The following ZNF266 variants were observed in gnomAD, a reference collection of about 807,000 sequenced individuals.
The protein encoded by ZNF266 is zinc finger protein 1.
In ZNF266, 16 loss-of-function variants were observed where a neutral mutation model predicts 16.4. That is an observed-to-expected ratio of 0.98 (90% confidence interval 0.66 to 1.48). The LOEUF is 1.48. Ranked by LOEUF, ZNF266 falls within the 40% of genes most tolerant of loss-of-function variation. ZNF266 has a pLI of 0.00. For missense variants in ZNF266, 738 were observed against 689.1 expected (o/e 1.07, Z -0.79); for synonymous variants, 262 against 237.9 (o/e 1.10, Z -0.93).
At chr19:9,421,312 T>C (rs962427518) in intron 5 of ZNF266, among the ~76,000 whole-genome samples, 4 of 152,034 alleles carry the variant, frequency 2.6e-5, no homozygotes, top group African/African-American at 7.3e-5. Context: ...CCCACTACCA[T>C]GGGTTTCAAA....
intron 5 of ZNF266, among the ~76,000 whole-genome samples, chr19:9,426,699 T>TA (rs1275980484): frequency 6.6e-5 from 10 of 152,292 alleles, no homozygotes; most frequent in African/African-American, 2.4e-4. Context: ...TAACATTTGG[T>TA]AAAATGTACC....
chr19:9,419,683 T>C (rs113548857), intron 6 of ZNF266: 7,149 of 152,182 alleles, frequency 0.047, 387 homozygotes, highest in African/African-American at 0.13. Context: ...GCAGATCACT[T>C]GAGGTTAGGA....
At chr19:9,426,457 T>TTC in intron 5 of ZNF266, among the ~76,000 whole-genome samples, 1 of 148,036 alleles carries the variant, frequency 6.8e-6, no homozygotes, top group African/African-American at 2.5e-5. Flanking sequence ...GAGACAGAAA[T>TTC]TAAGAACCCT....
chr19:9,415,740 A>G lies in ZNF266; in HGVS notation c.319T>C (p.Ser107Pro). ...RTVQRGDFQA[S>P]EWKVQLKTKE... ...GTTTTAAGTTGCACTTTCCATTCTGAAGCTGAAGAGAAAAAGAAATGTAAG... is the reference window on the plus strand; with the variant it reads ...GTTTTAAGTTGCACTTTCCATTCTGGAGCTGAAGAGAAAAAGAAATGTAAG... The change falls in exon 10 of 11, where the codon TCA becomes CCA. Residue 107 changes from serine to proline, a missense_variant and splice_region_variant. Ser to Pro is a moderately conservative substitution (Grantham distance 74). Transcript: ENST00000592904. 1 of 1,612,094 alleles carries G rather than the reference A, an allele frequency of 6.2e-7. No individual in the cohort carries two copies. Among genetic ancestry groups the G allele is most frequent in the South Asian group, 1.1e-5 (1 of 91,064 alleles).
chr19:9,434,026 C>A (rs1165625376), intron 4 of ZNF266, 49 bp downstream of exon 4: 1 of 152,036 alleles, frequency 6.6e-6, no homozygotes, highest in Non-Finnish European at 1.5e-5. Context: ...TTAAATTATC[C>A]CACCACATTG....
At chr19:9,423,996 C>G (rs752975301) in intron 5 of ZNF266, among the ~76,000 whole-genome samples, 2 of 151,964 alleles carry the variant, frequency 1.3e-5, no homozygotes, top group Non-Finnish European at 2.9e-5. Flanking sequence ...GACTCCATCT[C>G]AAAACAAAAC....
At chr19:9,431,565 G>C (rs1301139892) in intron 5 of ZNF266, among the ~76,000 whole-genome samples, 3 of 152,230 alleles carry the variant, frequency 2.0e-5, no homozygotes, top group Non-Finnish European at 4.4e-5. Flanking sequence ...ATCAGTGTGA[G>C]TGTGCCCCAG....
chr19:9,427,706 C>G (rs560763731), intron 5 of ZNF266, among the ~76,000 whole-genome samples: 9 of 152,194 alleles, frequency 5.9e-5, no homozygotes, highest in Admixed American at 5.9e-4. Flanking sequence ...GGACACAACA[C>G]ACCTTTTCCA....
At position 9,417,882 on chromosome 19, in the gene ZNF266, T is replaced by A; in HGVS notation, c.262A>T (p.Ile88Phe). ...GACTCTTCTTGTTCCAGCCAAGAGA[T>A]CAGACTGGGTTTGAAGAGCTGATAT... Reference protein sequence around the residue: ...VGYQLFKPSLISWLEQEESRT... With the variant: ...VGYQLFKPSLFSWLEQEESRT... The change falls in exon 9 of 11, where the codon ATC (isoleucine) becomes TTC (phenylalanine). Residue 88 changes from isoleucine to phenylalanine, a missense_variant. Transcript: ENST00000592904. 6.2e-7 allele frequency: 1 copy of A among 1,614,090 alleles called. No homozygotes were observed. Among genetic ancestry groups the A allele is most frequent in the Non-Finnish European group, 8.5e-7 (1 of 1,179,998 alleles).
At position 9,414,243 on chromosome 19, in the gene ZNF266, T is replaced by G. The variant is rs775018139; in HGVS notation, c.883A>C (p.Asn295His). 1 of 1,614,222 alleles carries G rather than the reference T, an allele frequency of 6.2e-7. No homozygotes were observed. Among genetic ancestry groups the G allele is most frequent in the African/African-American group, 1.3e-5 (1 of 75,058 alleles). The change falls in exon 11 of 11, where the codon AAT (asparagine) becomes CAT (histidine). Residue 295 changes from asparagine to histidine, a missense_variant. Transcript: ENST00000592904. ...GKGFRYSAYL[N>H]IHMGTHTGDN... ...CCAGTGTGGGTTCCCATGTGAATAT[T>G]AAGGTATGCAGAATATCTAAATCCT...
intron 5 of ZNF266, among the ~76,000 whole-genome samples, chr19:9,422,009 C>G (rs1028554827): frequency 1.4e-4 from 21 of 152,304 alleles, no homozygotes; most frequent in African/African-American, 5.1e-4. Context: ...CGCCACCACA[C>G]CCGGCTAATT....
Position 9,413,310 on chromosome 19 carries a change from C to T in ZNF266, c.1816G>A (p.Glu606Lys). ...AGTCTCTCATCCGCATGCCTTCTTT[C>T]ATGATTTCGAAAGGAACTGGAAGAA... ...FSSSSSFRNH[E>K]RRHADERLSA The change falls in exon 11 of 11, where the codon GAA becomes AAA. Residue 606 changes from glutamate (E) to lysine (K), a missense_variant. Physicochemically the swap from Glu to Lys is moderately conservative, Grantham distance 56 (BLOSUM62 1). Coordinates refer to ENST00000592904, the MANE Select transcript of ZNF266 (RefSeq NM_001370374.1). The T allele has an allele frequency of 2.5e-6, 4 of 1,602,752 alleles. No individual in the cohort carries two copies. The highest frequency in any genetic ancestry group is 1.7e-4 in the Middle Eastern group (1 of 5,990).
intron 5 of ZNF266, among the ~76,000 whole-genome samples, chr19:9,432,070 C>T (rs573889089): frequency 6.6e-6 from 1 of 152,264 alleles, no homozygotes; most frequent in Admixed American, 6.5e-5. Context: ...ATTCTCCTGC[C>T]TCAGTCTCTC....
At chr19:9,422,668 C>T (rs368069753) in intron 5 of ZNF266, among the ~76,000 whole-genome samples, 3 of 152,168 alleles carry the variant, frequency 2.0e-5, no homozygotes, top group South Asian at 2.1e-4. Flanking sequence ...CTGCTTTCCC[C>T]GAGTCCAATG....
At chr19:9,415,583 C>G in intron 10 of ZNF266, 71 bp downstream of exon 10, 1 of 1,345,194 alleles carries the variant, frequency 7.4e-7, no homozygotes, top group Non-Finnish European at 1.1e-6. Context: ...CAGCTTTATT[C>G]TGATTTTCTA....
At chr19:9,431,942 AAGTC>A (rs1301014715) in intron 5 of ZNF266, among the ~76,000 whole-genome samples, 1 of 152,126 alleles carries the variant, frequency 6.6e-6, no homozygotes, top group Non-Finnish European at 1.5e-5. Flanking sequence ...TTGAGGTCTC[AAGTC>A]AGTTGGGTTT....
At chr19:9,421,455 A>G (rs547659731) in intron 5 of ZNF266, among the ~76,000 whole-genome samples, 3 of 152,354 alleles carry the variant, frequency 2.0e-5, no homozygotes, top group African/African-American at 7.2e-5. Flanking sequence ...TCAGTGGATG[A>G]ATTTTGACAA....
chr19:9,435,117 CT>C lies in ZNF266; in HGVS notation c.-482del, dbSNP rs1405422878. Reference sequence around the variant, plus strand: ...TCACCCCAGTACTCACCGCGACGAGCTGGACTCGCCAGGTACGGGAGATTGG... The same window carrying C: ...TCACCCCAGTACTCACCGCGACGAGCGGACTCGCCAGGTACGGGAGATTGG... On this transcript the variant is annotated 5_prime_UTR_variant, in exon 2 of 11. Coordinates refer to ENST00000592904, the MANE Select transcript of ZNF266 (RefSeq NM_001370374.1). 2.0e-5 allele frequency: 3 copies of C among 151,332 alleles called. No homozygotes were observed. The highest frequency in any genetic ancestry group is 1.3e-4 in the Admixed American group (2 of 15,152). The allele number at this position is 151,332 out of a possible 1,614,324, so 9.4% of individuals were successfully genotyped here.
rs180692744 is a variant in ZNF266 at position 9,417,233 on chromosome 19, G to A, written c.316+595C>T. Among the ~76,000 whole-genome samples, 10 of 151,966 alleles carry A rather than the reference G, an allele frequency of 6.6e-5. No homozygotes were observed. The East Asian group carries it at 1.6e-3, about 24-fold the overall frequency. On this transcript the variant is annotated intron_variant, in intron 9 of 10. Transcript: ENST00000592904. ...TAATAATACAAAAAATTAACCAGGC[G>A]TGGCACACACCTGTAGTCCCGGCTA...
Sources: allele counts gnomAD v4.1 joint callset (sites outside exome capture counted in the v4.1 genomes callset), GRCh38; gene constraint gnomAD v4.1.1; transcripts MANE v1.5; gene names NCBI Gene and HGNC (gene_info 2026-07-23, HGNC 2026-07-21).